Variants in COX8C observed in about 807,000 individuals in gnomAD.
COX8C encodes cytochrome c oxidase subunit 8C.
A neutral mutation model predicts 3.5 loss-of-function variants in COX8C; 3 were observed. The ratio of observed to expected loss-of-function variants is 0.86; its 90% confidence interval spans 0.39 to 2.24. COX8C has a LOEUF of 2.24. COX8C is among the 30% of genes most tolerant of loss of function. The probability of loss-of-function intolerance (pLI) is 0.05; values close to 1 mark genes in which losing one functional copy is unlikely to be tolerated. For synonymous variants in COX8C, 46 were observed against 44.1 expected (o/e 1.04, Z -0.17); for missense variants, 113 against 102.5 (o/e 1.10, Z -0.44).
intron 1 of COX8C, among the ~76,000 whole-genome samples, chr14:93,347,787 G>A (rs2053892667): frequency 6.6e-6 from 1 of 152,004 alleles, no homozygotes; most frequent in African/African-American, 2.4e-5. Flanking sequence ...GAAATCCTGG[G>A]CCACATCGAA....
intron 1 of COX8C, among the ~76,000 whole-genome samples, chr14:93,347,740 G>A (rs1381277949): frequency 6.6e-6 from 1 of 152,062 alleles, no homozygotes; most frequent in Non-Finnish European, 1.5e-5. Context: ...GGACGTCCTC[G>A]GCACTGCGAA....
At chr14:93,347,442 G>T in intron 1 of COX8C, 48 bp downstream of exon 1, 1 of 1,409,808 alleles carries the variant, frequency 7.1e-7, no homozygotes, top group Non-Finnish European at 9.2e-7. Flanking sequence ...GCGTGGCCCT[G>T]GCGGGGCGCC....
rs911477710 is a variant in COX8C at position 93,348,009 on chromosome 14, G to A, written c.127-19G>A. 16 of 1,508,690 alleles carry A rather than the reference G, an allele frequency of 1.1e-5. 1 individual carries two copies. In the African/African-American group the frequency reaches 1.2e-4, roughly 12 times the overall value. The allele number at this position is 1,508,690 out of a possible 1,614,324, so 93.5% of individuals were successfully genotyped here. On this transcript the variant is annotated intron_variant, in intron 1 of 1. Transcript: ENST00000342144. ...CCTAGGAAGCCATACTCAGCAGCGCGTGTCATCTTCTCTTCCAGGAAATGG... is the reference window on the plus strand; with the variant it reads ...CCTAGGAAGCCATACTCAGCAGCGCATGTCATCTTCTCTTCCAGGAAATGG...
intron 1 of COX8C, 121 bp from the exon 2 acceptor site, chr14:93,347,907 C>A: frequency 1.7e-6 from 1 of 591,616 alleles, no homozygotes; most frequent in South Asian, 2.3e-5. Flanking sequence ...TTTCACTAGG[C>A]GCCTGTTTCT....
At chr14:93,347,453 C>T in intron 1 of COX8C, 59 bp downstream of exon 1, 1 of 1,390,368 alleles carries the variant, frequency 7.2e-7, no homozygotes, top group Non-Finnish European at 9.3e-7. Context: ...GCGGGGCGCC[C>T]CGACGGGTGG....
chr14:93,347,503 G>A, intron 1 of COX8C, 109 bp downstream of exon 1: 1 of 1,257,358 alleles, frequency 8.0e-7, no homozygotes, highest in Non-Finnish European at 1.0e-6. Flanking sequence ...CGCGTGGGAG[G>A]CTCTTGTGGC....
intron 1 of COX8C, 48 bp downstream of exon 1, chr14:93,347,442 G>C: frequency 7.1e-7 from 1 of 1,409,808 alleles, no homozygotes; most frequent in Non-Finnish European, 9.2e-7. Context: ...GCGTGGCCCT[G>C]GCGGGGCGCC....
Position 93,347,260 on chromosome 14 carries a change from T to G in COX8C, c.-9T>G. The G allele has an allele frequency of 6.3e-7, 1 of 1,599,306 alleles. No individual in the cohort carries two copies. Among genetic ancestry groups the G allele is most frequent in the South Asian group, 1.1e-5 (1 of 89,698 alleles). ...TGTCCACGCCTGGCTTTGTCTCACC[T>G]GACGCGATATGCCTCTCCTGCGTGG... is the stretch of plus-strand genomic sequence containing the variant. On this transcript the variant is annotated 5_prime_UTR_variant, in exon 1 of 2. Transcript: ENST00000342144.
Position 93,347,360 on chromosome 14 carries a change from C to T in COX8C, c.92C>T (p.Ser31Leu), listed in dbSNP as rs1232032663. The change falls in exon 1 of 2, where the codon TCG (serine) becomes TTG (leucine). Residue 31 changes from serine to leucine, a missense_variant. Ser to Leu is a moderately radical substitution (Grantham distance 145). Coordinates refer to ENST00000342144, the MANE Select transcript of COX8C (RefSeq NM_182971.3). ...GLQPAPRFAH[S>L]GPPRQRPLSA... is the part of the protein sequence containing the mutation. ...CAGCCCGCTCCCCGCTTCGCCCACT[C>T]GGGGCCCCCGCGCCAGCGGCCCCTG... The T allele has an allele frequency of 8.8e-6, 14 of 1,581,954 alleles. No individual in the cohort carries two copies. The highest frequency in any genetic ancestry group is 1.1e-5 in the South Asian group (1 of 89,256).
intron 1 of COX8C, among the ~76,000 whole-genome samples, chr14:93,347,625 C>T (rs529783434): frequency 4.6e-5 from 7 of 152,126 alleles, no homozygotes; most frequent in South Asian, 2.1e-4. Flanking sequence ...AAGCCCGGGA[C>T]CCTGAGGAAC....
Position 93,347,256 on chromosome 14 carries a change from C to A in COX8C, c.-13C>A, listed in dbSNP as rs773687297. On this transcript the variant is annotated 5_prime_UTR_variant, in exon 1 of 2. Coordinates refer to ENST00000342144, the MANE Select transcript of COX8C (RefSeq NM_182971.3). ...GTGCTGTCCACGCCTGGCTTTGTCTCACCTGACGCGATATGCCTCTCCTGC... is the reference window on the plus strand; with the variant it reads ...GTGCTGTCCACGCCTGGCTTTGTCTAACCTGACGCGATATGCCTCTCCTGC... 13 of 1,596,486 alleles carry A rather than the reference C, an allele frequency of 8.1e-6. 1 individual carries two copies. The highest frequency in any genetic ancestry group is 1.7e-4 in the Middle Eastern group (1 of 6,014).
intron 1 of COX8C, among the ~76,000 whole-genome samples, 199 bp from the exon 2 acceptor site, chr14:93,347,829 C>A (rs2053894363): frequency 6.6e-6 from 1 of 150,952 alleles, no homozygotes; most frequent in Non-Finnish European, 1.5e-5. Flanking sequence ...AACCGGAGAC[C>A]CCTTAGATGA....
At chr14:93,347,417 T>C (rs781476009) in intron 1 of COX8C, 23 bp downstream of exon 1, 16 of 1,455,072 alleles carry the variant, frequency 1.1e-5, no homozygotes, top group Non-Finnish European at 1.1e-5. Flanking sequence ...CCAGCCATCA[T>C]GGTGGGCGGG....
In COX8C at chr14:93,347,364, G is replaced by T. The variant is rs1281586163; in HGVS notation, c.96G>T (p.Gly32=). ...LQPAPRFAHS[G]PPRQRPLSAA... Reference sequence around the variant, plus strand: ...CCGCTCCCCGCTTCGCCCACTCGGGGCCCCCGCGCCAGCGGCCCCTGTCTG... The same window carrying T: ...CCGCTCCCCGCTTCGCCCACTCGGGTCCCCCGCGCCAGCGGCCCCTGTCTG... Residue 32 remains glycine (G), a synonymous_variant, in exon 1 of 2, where the codon GGG becomes GGT. Transcript: ENST00000342144. 3 of 1,573,940 alleles carry T rather than the reference G, an allele frequency of 1.9e-6. No individual in the cohort carries two copies. Among genetic ancestry groups the T allele is most frequent in the Admixed American group, 1.8e-5 (1 of 55,384 alleles).
chr14:93,348,130 G>A lies in COX8C; in HGVS notation c.*10G>A, dbSNP rs778986970. The stretch of plus-strand genomic sequence containing the variant: ...GTTCAGAAGGAATTAGATGGAAGAT[G>A]ATGTTGAACAGCTGTTAACGTCCAA... On this transcript the variant is annotated 3_prime_UTR_variant, in exon 2 of 2. Transcript: ENST00000342144. 1 of 1,518,782 alleles carries A rather than the reference G, an allele frequency of 6.6e-7. No homozygotes were observed. Among genetic ancestry groups the A allele is most frequent in the Non-Finnish European group, 9.1e-7 (1 of 1,093,406 alleles). 94.1% of individuals were successfully genotyped at this position (1,518,782 alleles called of 1,614,324 possible). A position where few individuals can be genotyped will look rare whatever the true frequency, so the allele number is the denominator to read the frequency against.
At chr14:93,347,589 A>C (rs1427405550) in intron 1 of COX8C, among the ~76,000 whole-genome samples, 195 bp downstream of exon 1, 1 of 151,842 alleles carries the variant, frequency 6.6e-6, no homozygotes, top group African/African-American at 2.4e-5. Context: ...CGCGGTGAGG[A>C]TGCCGTCGTC....
At position 93,347,450 on chromosome 14, in the gene COX8C, G is replaced by T. The variant is rs982765826; in HGVS notation, c.126+56G>T. 2.9e-6 allele frequency: 4 copies of T among 1,391,834 alleles called. No individual in the cohort carries two copies. The South Asian group carries it at 6.3e-5, about 22-fold the overall frequency. The allele number at this position is 1,391,834 out of a possible 1,614,324, so 86.2% of individuals were successfully genotyped here. On this transcript the variant is annotated intron_variant, in intron 1 of 1. Coordinates refer to ENST00000342144, the MANE Select transcript of COX8C (RefSeq NM_182971.3). ...GGGAAGCGCGTGGCCCTGGCGGGGC[G>T]CCCCGACGGGTGGGGAGAAGGGAGG...
chr14:93,348,117 TTAGATGGAAGATG>T lies in COX8C; in HGVS notation c.217_*10del, dbSNP rs1311526462. 1.3e-6 allele frequency: 2 copies of T among 1,585,646 alleles called. No individual in the cohort carries two copies. The highest frequency in any genetic ancestry group is 1.7e-6 in the Non-Finnish European group (2 of 1,154,170). Reference sequence around the variant, plus strand: ...GCAACCTGAAGCAGTTCAGAAGGAATTAGATGGAAGATGATGTTGAACAGCTGTTAACGTCCAA... The same window carrying T: ...GCAACCTGAAGCAGTTCAGAAGGAATATGTTGAACAGCTGTTAACGTCCAA... On this transcript the variant is annotated stop_lost and 3_prime_UTR_variant, in exon 2 of 2. Coordinates refer to ENST00000342144, the MANE Select transcript of COX8C (RefSeq NM_182971.3).
In COX8C at chr14:93,347,398, A is replaced by T; in HGVS notation, c.126+4A>T. 6.7e-7 allele frequency: 1 copy of T among 1,484,644 alleles called. No individual in the cohort carries two copies. Among genetic ancestry groups the T allele is most frequent in the African/African-American group, 1.4e-5 (1 of 70,078 alleles). 92.0% of individuals were successfully genotyped at this position (1,484,644 alleles called of 1,614,324 possible). On this transcript the variant is annotated splice_donor_region_variant and intron_variant, in intron 1 of 1. Coordinates refer to ENST00000342144, the MANE Select transcript of COX8C (RefSeq NM_182971.3). ...CCAGCGGCCCCTGTCTGCCGCGGTG[A>T]GTTGAGGCCCAGCCATCATGGTGGG... is the stretch of plus-strand genomic sequence containing the variant.
Sources: allele counts gnomAD v4.1 joint callset (sites outside exome capture counted in the v4.1 genomes callset), GRCh38; gene constraint gnomAD v4.1.1; transcripts MANE v1.5; gene names NCBI Gene and HGNC (gene_info 2026-07-23, HGNC 2026-07-21).